RNF145: variants seen among roughly 807,000 people sequenced by gnomAD.
The protein encoded by RNF145 is ring finger protein 145.
A neutral mutation model predicts 57.3 loss-of-function variants in RNF145; 12 were observed. That is an observed-to-expected ratio of 0.21 (90% confidence interval 0.13 to 0.34). RNF145 has a LOEUF of 0.34. RNF145 is among the 10% of genes least tolerant of loss of function. The pLI is 1.00. For synonymous variants in RNF145, 262 were observed against 288.3 expected (o/e 0.91, Z 0.92); for missense variants, 429 against 799.0 (o/e 0.54, Z 5.58).
At chr5:159,189,629 C>T (rs1001437588) in intron 3 of RNF145, among the ~76,000 whole-genome samples, 3 of 152,240 alleles carry the variant, frequency 2.0e-5, no homozygotes, top group Non-Finnish European at 4.4e-5. Flanking sequence ...TTTGTCTACA[C>T]AAAACCTGTA....
chr5:159,197,967 G>A (rs1176540042), intron 2 of RNF145, among the ~76,000 whole-genome samples: 3 of 152,092 alleles, frequency 2.0e-5, no homozygotes, highest in African/African-American at 4.8e-5. Context: ...AGGGTTGGAT[G>A]TGTTGGCTCA....
intron 10 of RNF145, chr5:159,161,044 AAAC>A (rs1784199949): frequency 4.4e-6 from 2 of 455,548 alleles, no homozygotes; most frequent in Admixed American, 3.9e-5. Context: ...ATAATGTTGA[AAAC>A]AACAATACAT....
chr5:159,178,958 A>G (rs998490315), intron 4 of RNF145, among the ~76,000 whole-genome samples: 4 of 152,064 alleles, frequency 2.6e-5, no homozygotes, highest in Non-Finnish European at 5.9e-5. Context: ...ACTGATACTA[A>G]AGTAATGTGA....
At chr5:159,174,293 A>G in intron 5 of RNF145, 135 bp from the exon 6 acceptor site, 1 of 638,366 alleles carries the variant, frequency 1.6e-6, no homozygotes, top group South Asian at 2.5e-5. Context: ...AATTCCTTTA[A>G]AGTTAGCCTA....
chr5:159,202,662 T>C (rs1785710638), intron 2 of RNF145, among the ~76,000 whole-genome samples: 1 of 152,174 alleles, frequency 6.6e-6, no homozygotes, highest in African/African-American at 2.4e-5. Flanking sequence ...TAATAAAATA[T>C]TAGCAAAACC....
chr5:159,158,645 A>G lies in RNF145; in HGVS notation c.*25T>C. The G allele has an allele frequency of 1.2e-6, 2 of 1,602,270 alleles. No individual in the cohort carries two copies. Among genetic ancestry groups the G allele is most frequent in the Non-Finnish European group, 1.7e-6 (2 of 1,172,438 alleles). On this transcript the variant is annotated 3_prime_UTR_variant, in exon 11 of 11. Coordinates refer to ENST00000424310, the MANE Select transcript of RNF145 (RefSeq NM_001199383.2). ...AGTTAACTTCTCCTCCAGAGTATCA[A>G]AGCATCATTCCTGCTGCTTCTCCTC...
chr5:159,165,954 A>G (rs1445147471), intron 8 of RNF145, among the ~76,000 whole-genome samples: 3 of 152,170 alleles, frequency 2.0e-5, no homozygotes, highest in African/African-American at 7.2e-5. Context: ...CCTACTGTAC[A>G]CATGCAAGAG....
chr5:159,190,590 C>A (rs1026704000), intron 3 of RNF145, among the ~76,000 whole-genome samples: 3 of 149,046 alleles, frequency 2.0e-5, no homozygotes, highest in Non-Finnish European at 4.4e-5. Flanking sequence ...ATTCAAGAGG[C>A]TGAGGTGGGA....
chr5:159,199,143 G>C (rs1230305075), intron 2 of RNF145, among the ~76,000 whole-genome samples: 1 of 152,098 alleles, frequency 6.6e-6, no homozygotes, highest in African/African-American at 2.4e-5. Context: ...CATAATAATT[G>C]CTATGGTAGA....
chr5:159,166,765 T>C (rs1220433579), intron 8 of RNF145, among the ~76,000 whole-genome samples: 2 of 152,172 alleles, frequency 1.3e-5, no homozygotes, highest in East Asian at 1.9e-4. Flanking sequence ...TATTTCAATA[T>C]TGGGATTACG....
At chr5:159,181,817 C>A (rs3213859) in intron 4 of RNF145, 143 bp downstream of exon 4, 1 of 493,352 alleles carries the variant, frequency 2.0e-6, no homozygotes. Context: ...AAAAAACCAC[C>A]AAACAATGGG....
At chr5:159,202,485 C>T (rs1785703714) in intron 2 of RNF145, among the ~76,000 whole-genome samples, 1 of 152,168 alleles carries the variant, frequency 6.6e-6, no homozygotes, top group African/African-American at 2.4e-5. Flanking sequence ...ACCATCTCTT[C>T]TACTACATCA....
intron 3 of RNF145, among the ~76,000 whole-genome samples, chr5:159,188,314 G>A (rs887729880): frequency 2.6e-5 from 4 of 151,930 alleles, no homozygotes; most frequent in Non-Finnish European, 5.9e-5. Flanking sequence ...GTGAACCCAG[G>A]AGGCGGAGCT....
At chr5:159,202,648 C>G (rs1185643692) in intron 2 of RNF145, among the ~76,000 whole-genome samples, 1 of 152,150 alleles carries the variant, frequency 6.6e-6, no homozygotes, top group East Asian at 1.9e-4. Flanking sequence ...ACAGGCAACT[C>G]TAATAATAAA....
At position 159,158,885 on chromosome 5, in the gene RNF145, G is replaced by C; in HGVS notation, c.1777C>G (p.Leu593Val). ...QLPGLGTEPV[L>V]QPHAGAEQNV... ...TGCTCAGCTCCAGCATGAGGCTGTA[G>C]AACTGGCTCAGTTCCTAATCCTGGA... Residue 593 changes from leucine (L) to valine (V), a missense_variant, in exon 11 of 11, where the codon CTA becomes GTA. Around this residue, in one of 4 missense-constraint regions of RNF145, gnomAD observed 102 missense variants for 106.2 expected, o/e 0.96. Coordinates refer to ENST00000424310, the MANE Select transcript of RNF145 (RefSeq NM_001199383.2). 1 of 1,613,956 alleles carries C rather than the reference G, an allele frequency of 6.2e-7. No homozygotes were observed. Among genetic ancestry groups the C allele is most frequent in the Non-Finnish European group, 8.5e-7 (1 of 1,179,864 alleles).
chr5:159,173,316 T>G (rs536228261), intron 6 of RNF145, among the ~76,000 whole-genome samples: 1 of 152,282 alleles, frequency 6.6e-6, no homozygotes, highest in Non-Finnish European at 1.5e-5. Flanking sequence ...CAATTCTTCT[T>G]CCAATGTGGC....
rs1345862948 is a variant in RNF145, at chr5:159,161,617, C to T, written c.1275G>A (p.Leu425=). Residue 425 remains leucine, a synonymous_variant, in exon 10 of 11, where the codon CTG becomes CTA. Transcript: ENST00000424310. ...ATAAGACATAAATAAAAAGTGTTCC[C>T]AGAACCTGAAAAAAAAAAAAAAATG... ...SSSILTSLQV[L]GTLFIYVLFM... The T allele has an allele frequency of 6.8e-7, 1 of 1,475,190 alleles. No individual in the cohort carries two copies. 91.4% of individuals were successfully genotyped at this position (1,475,190 alleles called of 1,614,324 possible).
intron 2 of RNF145, among the ~76,000 whole-genome samples, chr5:159,201,324 A>G (rs868168834): frequency 6.6e-6 from 1 of 152,098 alleles, no homozygotes; most frequent in African/African-American, 2.4e-5. Context: ...TAACCCAGCA[A>G]CTTCGCTTCT....
chr5:159,161,070 G>A (rs945434858), intron 10 of RNF145, 196 bp downstream of exon 10: 1 of 526,668 alleles, frequency 1.9e-6, no homozygotes, highest in South Asian at 2.7e-5. Flanking sequence ...GAACCCAAGG[G>A]ACTAAATTTA....
Sources: allele counts gnomAD v4.1 joint callset (sites outside exome capture counted in the v4.1 genomes callset), GRCh38; gene constraint gnomAD v4.1.1; regional missense constraint gnomAD v4.1.1; transcripts MANE v1.5; gene names NCBI Gene and HGNC (gene_info 2026-07-23, HGNC 2026-07-21).